Variants in RARB observed in about 807,000 individuals in gnomAD.
RARB encodes the protein retinoic acid receptor beta.
In RARB, 17 loss-of-function variants were observed where a neutral mutation model predicts 51.9. The observed-to-expected ratio is 0.33, with a 90% CI of 0.22 to 0.49. The LOEUF (loss-of-function observed/expected upper bound fraction) is 0.49, where lower values mean the gene tolerates loss of function less well. Ranked by LOEUF, RARB falls within the 20% of genes least tolerant of loss-of-function variation. RARB has a pLI of 0.99. For missense variants in RARB, 369 were observed against 550.8 expected, an observed-to-expected ratio of 0.67 and a Z score of 3.30; for synonymous variants, 215 against 195.4, an observed-to-expected ratio of 1.10 and a Z score of -0.84.
rs555299355 is a variant in RARB at position 25,346,228 on chromosome 3, T to A, written c.179-114965T>A. On this transcript the variant is annotated intron_variant, in intron 5 of 11. Coordinates refer to the RARB transcript ENST00000383772. Reference sequence around the variant, plus strand: ...TTTTTTGCCATTTCCTTAATCTGGATCTTATTAGAGCATCCCCAGGGTCAA... The same window carrying A: ...TTTTTTGCCATTTCCTTAATCTGGAACTTATTAGAGCATCCCCAGGGTCAA... 7.9e-5 allele frequency among the ~76,000 whole-genome samples: 12 copies of A among 152,314 alleles called. No homozygotes were observed. The South Asian group carries it at 2.3e-3, about 29-fold the overall frequency.
At chr3:25,027,414 C>T (rs1447360554) in intron 2 of RARB, among the ~76,000 whole-genome samples, 2 of 152,136 alleles carry the variant, frequency 1.3e-5, no homozygotes, top group Non-Finnish European at 2.9e-5. Context: ...CTCTAAAATA[C>T]ATCTTCCCCC....
At chr3:24,928,494 A>G (rs1356586140) in intron 2 of RARB, among the ~76,000 whole-genome samples, 4 of 152,026 alleles carry the variant, frequency 2.6e-5, no homozygotes, top group Admixed American at 2.6e-4. Flanking sequence ...TTTTATTTTA[A>G]AAGATTATTT....
At chr3:24,862,362 G>A (rs936649848) in intron 2 of RARB, among the ~76,000 whole-genome samples, 1 of 152,176 alleles carries the variant, frequency 6.6e-6, no homozygotes, top group African/African-American at 2.4e-5. Context: ...AGAGGTGGGT[G>A]AAGTTTCCAA....
At chr3:25,380,074 A>C (rs1317644223) in intron 5 of RARB, among the ~76,000 whole-genome samples, 1 of 152,208 alleles carries the variant, frequency 6.6e-6, no homozygotes, top group African/African-American at 2.4e-5. Flanking sequence ...TTTTGCAAGC[A>C]TACCATTTTA....
chr3:25,403,208 C>T (rs1707312912), intron 5 of RARB, among the ~76,000 whole-genome samples: 2 of 149,254 alleles, frequency 1.3e-5, no homozygotes, highest in African/African-American at 4.9e-5. Flanking sequence ...GATAGCACAA[C>T]AGGGTGACTG....
intron 1 of RARB, among the ~76,000 whole-genome samples, chr3:24,833,375 A>G (rs1380973930): frequency 6.6e-6 from 1 of 152,128 alleles, no homozygotes; most frequent in African/African-American, 2.4e-5. Context: ...CACTAGGGCT[A>G]TATTCTGGCC....
chr3:24,958,653 A>G (rs1696075477), intron 2 of RARB, among the ~76,000 whole-genome samples: 1 of 152,244 alleles, frequency 6.6e-6, no homozygotes, highest in Non-Finnish European at 1.5e-5. Context: ...TCTGAGAAGC[A>G]GAGAACTAAA....
At chr3:25,329,121 A>G (rs1444801348) in intron 5 of RARB, among the ~76,000 whole-genome samples, 1 of 152,238 alleles carries the variant, frequency 6.6e-6, no homozygotes, top group Non-Finnish European at 1.5e-5. Flanking sequence ...AACAAAAGGC[A>G]GCAGAAACTT....
chr3:25,293,597 T>TAAAAAAAAAAAAAAGA (rs1703841568), intron 5 of RARB, among the ~76,000 whole-genome samples: 1 of 68,660 alleles, frequency 1.5e-5, no homozygotes, highest in Non-Finnish European at 3.1e-5. Flanking sequence ...TTACTCCATT[T>TAAAAAAAAAAAAAAGA]AAAAAAAAAA....
intron 2 of RARB, among the ~76,000 whole-genome samples, chr3:24,940,757 A>C (rs1156939761): frequency 1.3e-5 from 2 of 152,162 alleles, no homozygotes; most frequent in Non-Finnish European, 2.9e-5. Context: ...GGAAAGCATG[A>C]GCTCTGGAGT....
intron 3 of RARB, among the ~76,000 whole-genome samples, chr3:25,079,820 T>C (rs1698955813): frequency 6.6e-6 from 1 of 152,212 alleles, no homozygotes; most frequent in African/African-American, 2.4e-5. Context: ...TGAGGGATGT[T>C]AGTCTAAATT....
At chr3:25,037,269 T>C (rs1030146773) in intron 2 of RARB, among the ~76,000 whole-genome samples, 6 of 151,966 alleles carry the variant, frequency 3.9e-5, no homozygotes, top group Non-Finnish European at 5.9e-5. Flanking sequence ...CTTTTTTTTT[T>C]TTTTCCTGTT....
chr3:25,002,703 A>G (rs1471321890), intron 2 of RARB, among the ~76,000 whole-genome samples: 1 of 151,584 alleles, frequency 6.6e-6, no homozygotes, highest in African/African-American at 2.4e-5. Flanking sequence ...ACATGTATAC[A>G]CATAAATCTA....
At chr3:25,142,961 T>TA (rs935617642) in intron 4 of RARB, among the ~76,000 whole-genome samples, 76 of 152,078 alleles carry the variant, frequency 5.0e-4, no homozygotes, top group African/African-American at 1.5e-3. Flanking sequence ...ATATTATATT[T>TA]AAAAAAAAGT....
At chr3:24,870,587 T>G (rs1702927713) in intron 2 of RARB, among the ~76,000 whole-genome samples, 1 of 152,118 alleles carries the variant, frequency 6.6e-6, no homozygotes, top group Non-Finnish European at 1.5e-5. Flanking sequence ...ATCCAGAAAC[T>G]TTAGAAACTA....
At chr3:25,335,666 G>A (rs1705041468) in intron 5 of RARB, among the ~76,000 whole-genome samples, 1 of 152,134 alleles carries the variant, frequency 6.6e-6, no homozygotes, top group Non-Finnish European at 1.5e-5. Flanking sequence ...TCCTGAGAGG[G>A]GCCTTGCTGG....
At position 25,439,802 on chromosome 3, in the gene RARB, T is replaced by G. The variant is rs114441565; in HGVS notation, c.157+10914T>G. On this transcript the variant is annotated intron_variant, in intron 1 of 7. Coordinates refer to ENST00000330688, the MANE Select transcript of RARB (RefSeq NM_000965.5). ...CTAATTGTTGCTGAATTATATATTT[T>G]GAGGAAAAAGAGACAGGTGGACAAA... Among the ~76,000 whole-genome samples the G allele has an allele frequency of 1.3e-3, 197 of 152,334 alleles. 1 individual carries two copies. Among genetic ancestry groups the G allele is most frequent in the African/African-American group, 4.5e-3 (187 of 41,576 alleles).
intron 5 of RARB, among the ~76,000 whole-genome samples, chr3:25,405,604 G>T (rs1405435611): frequency 1.3e-5 from 2 of 152,188 alleles, no homozygotes; most frequent in Admixed American, 1.3e-4. Flanking sequence ...CTCTAGATCT[G>T]TGTTGTAAAA....
chr3:25,338,800 A>G (rs2125449455), intron 5 of RARB, among the ~76,000 whole-genome samples: 1 of 152,288 alleles, frequency 6.6e-6, no homozygotes, highest in East Asian at 1.9e-4. Context: ...ATACTGAAAT[A>G]TTTGTGTAGT....
Sources: allele counts gnomAD v4.1 joint callset (sites outside exome capture counted in the v4.1 genomes callset), GRCh38; gene constraint gnomAD v4.1.1; transcripts MANE v1.5; gene names NCBI Gene and HGNC (gene_info 2026-07-23, HGNC 2026-07-21).